The following MINK1 variants were observed in gnomAD, a reference collection of about 807,000 sequenced individuals.
MINK1 encodes the protein misshapen like kinase 1, also known as misshapen-like kinase 1.
In MINK1, 46 loss-of-function variants were observed where a neutral mutation model predicts 178.4. The observed-to-expected ratio is 0.26, with a 90% confidence interval of 0.20 to 0.33. The LOEUF is 0.33. MINK1 is among the 10% of genes least tolerant of loss of function. MINK1 has a pLI of 1.00. For missense variants in MINK1, 1,366 were observed against 1,814.9 expected, an observed-to-expected ratio of 0.75 and a Z score of 4.49; for synonymous variants, 797 against 709.7, an observed-to-expected ratio of 1.12 and a Z score of -1.96.
chr17:4,850,934 C>T (rs1421619742), intron 1 of MINK1: 3 of 446,364 alleles, frequency 6.7e-6, no homozygotes, highest in East Asian at 1.5e-4. Flanking sequence ...CACTGCCATG[C>T]TGTGCCCTTC....
At position 4,891,200 on chromosome 17, in the gene MINK1, G is replaced by GCGCA. The variant is rs781594150; in HGVS notation, c.1740+77_1740+78insGCAC. The GCGCA allele has an allele frequency of 6.4e-4, 642 of 1,004,104 alleles. 1 individual carries two copies. The highest frequency in any genetic ancestry group is 4.5e-3 in the Middle Eastern group (13 of 2,894). The allele number at this position is 1,004,104 out of a possible 1,614,324, so 62.2% of individuals were successfully genotyped here. On this transcript the variant is annotated intron_variant, in intron 15 of 31. Transcript: ENST00000355280. ...AGAGCACAGGTACACACACACGCGC[G>GCGCA]CACACACACACACACACACACACAC...
intron 1 of MINK1, among the ~76,000 whole-genome samples, chr17:4,841,157 AC>A (rs1910160377): frequency 1.3e-5 from 2 of 152,024 alleles, no homozygotes; most frequent in African/African-American, 4.8e-5. Flanking sequence ...AGAGCCTGTG[AC>A]TCAGTATGTA....
chr17:4,848,033 G>A (rs549870137), intron 1 of MINK1, among the ~76,000 whole-genome samples: 3 of 152,028 alleles, frequency 2.0e-5, no homozygotes, highest in Non-Finnish European at 2.9e-5. Flanking sequence ...GAGGAGAGAT[G>A]GGGGAGAGAG....
chr17:4,843,395 T>G (rs982347899), intron 1 of MINK1, among the ~76,000 whole-genome samples: 11 of 151,872 alleles, frequency 7.2e-5, no homozygotes, highest in Non-Finnish European at 1.5e-4. Context: ...GGAGAATCGC[T>G]TGAACTCAGG....
In MINK1 at chr17:4,891,224, A is replaced by ACCTGCTC. The variant is rs1968780167; in HGVS notation, c.1740+101_1740+107dup. 3.8e-6 allele frequency: 4 copies of ACCTGCTC among 1,063,506 alleles called. No homozygotes were observed. The South Asian group carries it at 6.8e-5, about 18-fold the overall frequency. The allele number at this position is 1,063,506 out of a possible 1,614,324, so 65.9% of individuals were successfully genotyped here. On this transcript the variant is annotated intron_variant, in intron 15 of 31. Coordinates refer to ENST00000355280, the MANE Select transcript of MINK1 (RefSeq NM_153827.5). ...CGCACACACACACACACACACACAC[A>ACCTGCTC]CCTGCTCAGCCGTGAGCCAGGATTA...
At chr17:4,858,900 A>T (rs1024326371) in intron 1 of MINK1, among the ~76,000 whole-genome samples, 1 of 152,114 alleles carries the variant, frequency 6.6e-6, no homozygotes, top group African/African-American at 2.4e-5. Context: ...TCTCTCCCAG[A>T]CTAGAGAGGT....
chr17:4,860,024 G>C (rs939402780), intron 1 of MINK1, among the ~76,000 whole-genome samples: 18 of 150,078 alleles, frequency 1.2e-4, no homozygotes, highest in African/African-American at 4.2e-4. Flanking sequence ...GCGCGTCCGG[G>C]AACTACTGGC....
rs550954118 is a variant in MINK1, at chr17:4,836,447, G to C, written c.57+2807G>C. On this transcript the variant is annotated intron_variant, in intron 1 of 31. Transcript: ENST00000355280. The surrounding 1 kb of genome is among the most constrained non-coding windows in gnomAD (Gnocchi z 4.3). ...TTTTCTCCACCAGCCTGGCTGCAGC[G>C]TGGTGAGGAAAAGCATGTGGTTTGA... 1.1e-4 allele frequency among the ~76,000 whole-genome samples: 16 copies of C among 152,154 alleles called. No individual in the cohort carries two copies. Among genetic ancestry groups the C allele is most frequent in the Non-Finnish European group, 1.9e-4 (13 of 68,038 alleles).
Position 4,885,344 on chromosome 17 carries a change from G to C in MINK1, c.509-139G>C. The C allele has an allele frequency of 8.9e-7, 1 of 1,122,626 alleles. No homozygotes were observed. The highest frequency in any genetic ancestry group is 1.3e-6 in the Non-Finnish European group (1 of 784,962). The allele number at this position is 1,122,626 out of a possible 1,614,324, so 69.5% of individuals were successfully genotyped here. On this transcript the variant is annotated intron_variant, in intron 6 of 31. Transcript: ENST00000355280. This position sits in a 1 kb window ranked among gnomAD's most constrained non-coding sequence, Gnocchi z 5.0. ...TCGGGTTCTTCAGGATGGTGGTGGGGTAAAGGAGGGTGCTGGGGTGTCTGG... is the reference window on the plus strand; with the variant it reads ...TCGGGTTCTTCAGGATGGTGGTGGGCTAAAGGAGGGTGCTGGGGTGTCTGG...
intron 1 of MINK1, among the ~76,000 whole-genome samples, chr17:4,878,003 G>C (rs1164976143): frequency 2.0e-5 from 3 of 151,810 alleles, no homozygotes; most frequent in Admixed American, 2.0e-4. Flanking sequence ...GTAGAGACGG[G>C]GTTTCACCGT....
chr17:4,864,793 C>T (rs944588827), intron 1 of MINK1, among the ~76,000 whole-genome samples: 1 of 152,084 alleles, frequency 6.6e-6, no homozygotes, highest in Non-Finnish European at 1.5e-5. Flanking sequence ...TGGGCAAGCT[C>T]CTAAAGTGGT....
intron 1 of MINK1, chr17:4,857,230 G>T: frequency 3.5e-6 from 1 of 284,540 alleles, no homozygotes; most frequent in Non-Finnish European, 7.2e-6. Context: ...ATGTGGATCA[G>T]CTCTGGCCAC....
chr17:4,891,846 T>G, intron 16 of MINK1, 130 bp downstream of exon 16: 1 of 1,333,952 alleles, frequency 7.5e-7, no homozygotes, highest in Non-Finnish European at 1.0e-6. Context: ...GGCGCTGCCC[T>G]GCCGGGGTCA....
At position 4,892,644 on chromosome 17, in the gene MINK1, C is replaced by A; in HGVS notation, c.2199-12C>A. 1 of 1,586,736 alleles carries A rather than the reference C, an allele frequency of 6.3e-7. No homozygotes were observed. On this transcript the variant is annotated splice_polypyrimidine_tract_variant and intron_variant, in intron 18 of 31. Transcript: ENST00000355280. Reference sequence around the variant, plus strand: ...CCGTGCCTCCCTGACCCTGACTCTGCCCCCCCAACAGTAACCCCGACCTCA... The same window carrying A: ...CCGTGCCTCCCTGACCCTGACTCTGACCCCCCAACAGTAACCCCGACCTCA...
At chr17:4,888,690 CTTTTTTTTTT>C (rs35392409) in intron 12 of MINK1, among the ~76,000 whole-genome samples, 2 of 87,884 alleles carry the variant, frequency 2.3e-5, no homozygotes, top group East Asian at 5.3e-4. Context: ...AAAGTCCTAT[CTTTTTTTTTT>C]TTTTTTTTTT....
chr17:4,871,144 CAGT>C (rs1199922440), intron 1 of MINK1: 3 of 252,998 alleles, frequency 1.2e-5, no homozygotes, highest in Non-Finnish European at 2.6e-5. Context: ...CAACATCTAG[CAGT>C]AGTTTATTCC....
Position 4,889,741 on chromosome 17 carries a change from GGCGGCAGGCGGA to G in MINK1, c.1329_1340del (p.Gln444_Arg447del), listed in dbSNP as rs1968581278. On this transcript the variant is annotated inframe_deletion, in exon 13 of 32. Transcript: ENST00000355280. ...CAGGCTCTGCGGCGGGAGGAGGAGC[GGCGGCAGGCGGA>G]GCGCGAGCAGGTAGAGCGCCGCACC... 1 of 1,543,280 alleles carries G rather than the reference GGCGGCAGGCGGA, an allele frequency of 6.5e-7. No homozygotes were observed. The highest frequency in any genetic ancestry group is 8.7e-7 in the Non-Finnish European group (1 of 1,147,378).
intron 1 of MINK1, among the ~76,000 whole-genome samples, chr17:4,864,550 C>A (rs1476762258): frequency 1.3e-5 from 2 of 151,434 alleles, no homozygotes; most frequent in African/African-American, 2.4e-5. Context: ...CATGGTGAAA[C>A]CCCATCTCTA....
Position 4,893,983 on chromosome 17 carries a change from C to A in MINK1, c.2565-5C>A. The A allele has an allele frequency of 6.4e-7, 1 of 1,566,134 alleles. No homozygotes were observed. Among genetic ancestry groups the A allele is most frequent in the Non-Finnish European group, 8.6e-7 (1 of 1,157,316 alleles). ...CTGGAGGGGCCCCACCTTCCTCTCTCACAGCAGCGATGGGGATACAGACAG... is the reference window on the plus strand; with the variant it reads ...CTGGAGGGGCCCCACCTTCCTCTCTAACAGCAGCGATGGGGATACAGACAG... On this transcript the variant is annotated splice_polypyrimidine_tract_variant and splice_region_variant and intron_variant, in intron 21 of 31. Transcript: ENST00000355280.
Sources: allele counts gnomAD v4.1 joint callset (sites outside exome capture counted in the v4.1 genomes callset), GRCh38; gene constraint gnomAD v4.1.1; non-coding constraint Gnocchi (gnomAD v3.1); transcripts MANE v1.5; gene names NCBI Gene and HGNC (gene_info 2026-07-23, HGNC 2026-07-21).